ADH4: variants seen among roughly 807,000 people sequenced by gnomAD.
The protein encoded by ADH4 is alcohol dehydrogenase 4 (class II), pi polypeptide.
A neutral mutation model predicts 35.2 loss-of-function variants in ADH4; 31 were observed. That is an observed-to-expected ratio of 0.88 (90% CI 0.66 to 1.19). The LOEUF (loss-of-function observed/expected upper bound fraction) is 1.19. ADH4 is among the 50% of genes most tolerant of loss of function. The probability of loss-of-function intolerance (pLI) is 0.00; values close to 1 mark genes in which losing one functional copy is unlikely to be tolerated. For synonymous variants in ADH4, 171 were observed against 160.2 expected (o/e 1.07, Z -0.51); for missense variants, 476 against 458.3 (o/e 1.04, Z -0.35).
intron 5 of ADH4, among the ~76,000 whole-genome samples, chr4:99,136,258 C>G (rs939247430): frequency 2.0e-5 from 3 of 151,948 alleles, no homozygotes; most frequent in African/African-American, 7.3e-5. Context: ...GGCTACTGGG[C>G]CAGATGTTTT....
intron 4 of ADH4, among the ~76,000 whole-genome samples, chr4:99,138,027 G>A (rs1352386685): frequency 6.6e-6 from 1 of 151,942 alleles, no homozygotes; most frequent in South Asian, 2.1e-4. Flanking sequence ...CTGTAATCTG[G>A]TTGAACATAT....
chr4:99,129,982 T>A (rs1462188950), intron 6 of ADH4, among the ~76,000 whole-genome samples: 1 of 152,206 alleles, frequency 6.6e-6, no homozygotes, highest in South Asian at 2.1e-4. Context: ...GCAGTCACAC[T>A]ACCAGTTTTT....
At chr4:99,135,021 G>A (rs183971064) in intron 5 of ADH4, among the ~76,000 whole-genome samples, 9 of 152,144 alleles carry the variant, frequency 5.9e-5, no homozygotes, top group Admixed American at 5.2e-4. Context: ...TATGTGCCAG[G>A]GACAATTCCA....
chr4:99,132,523 A>G (rs1436760809), intron 5 of ADH4, among the ~76,000 whole-genome samples: 1 of 420 alleles, frequency 2.4e-3, no homozygotes, highest in African/African-American at 9.4e-3. Context: ...TTGTGGGTGT[A>G]TGGTGTGTTT....
At position 99,141,641 on chromosome 4, in the gene ADH4, G is replaced by A. The variant is rs1484413616; in HGVS notation, c.162C>T (p.Ile54=). The A allele has an allele frequency of 3.1e-6, 5 of 1,613,922 alleles. No homozygotes were observed. Among genetic ancestry groups the A allele is most frequent in the African/African-American group, 1.3e-5 (1 of 74,902 alleles). Residue 54 remains isoleucine (I), a synonymous_variant, in exon 3 of 9, where the codon ATC becomes ATT. Coordinates refer to ENST00000265512, the MANE Select transcript of ADH4 (RefSeq NM_000670.5). The stretch of plus-strand genomic sequence containing the variant: ...AAGCTAGGCCCTCAAATTTAGAATC[G>A]ATAACAGTGGCATCAGTATGGCACA... ...TSLCHTDATV[I]DSKFEGLAFP...
chr4:99,131,387 C>T (rs1370124662), intron 6 of ADH4, 117 bp downstream of exon 6: 2 of 1,154,732 alleles, frequency 1.7e-6, no homozygotes, highest in Non-Finnish European at 2.4e-6. Flanking sequence ...ATAGTTCTAC[C>T]ACCCTGTCAT....
chr4:99,126,652 G>A lies in ADH4; in HGVS notation c.1060C>T (p.His354Tyr), dbSNP rs1579391162. The A allele has an allele frequency of 2.5e-6, 4 of 1,611,998 alleles. No homozygotes were observed. Among genetic ancestry groups the A allele is most frequent in the Non-Finnish European group, 2.5e-6 (3 of 1,178,434 alleles). ...CTGATTTTGTCAAAAGGCAGGGTAT[G>A]GGTCACCAGTGCATCCAGATTGAAT... ...KKFNLDALVT[H>Y]TLPFDKISEA... Residue 354 changes from histidine to tyrosine, a missense_variant, in exon 8 of 9, where the codon CAT becomes TAT. Physicochemically the swap from His to Tyr is moderately conservative, Grantham distance 83. Transcript: ENST00000265512.
Position 99,136,699 on chromosome 4 carries a change from T to C in ADH4, c.351-2A>G. The C allele has an allele frequency of 6.3e-7, 1 of 1,578,640 alleles. No individual in the cohort carries two copies. Among genetic ancestry groups the C allele is most frequent in the South Asian group, 1.1e-5 (1 of 89,154 alleles). On this transcript the variant is annotated splice_acceptor_variant, in intron 4 of 8. Coordinates refer to ENST00000265512, the MANE Select transcript of ADH4 (RefSeq NM_000670.5). LOFTEE classifies it high-confidence loss of function. ...TCACTAGCAGGACTTTTGAGATTAC[T>C]AGAAAATTAAAAAAAAGAGTGATAC...
chr4:99,141,466 C>A, intron 3 of ADH4, 75 bp downstream of exon 3: 1 of 1,417,344 alleles, frequency 7.1e-7, no homozygotes, highest in South Asian at 1.6e-5. Context: ...TTATAGCATG[C>A]CAAGCCAGGA....
intron 6 of ADH4, among the ~76,000 whole-genome samples, chr4:99,131,261 C>T (rs1438479840): frequency 6.6e-6 from 1 of 152,098 alleles, no homozygotes; most frequent in Non-Finnish European, 1.5e-5. Context: ...GGTATGGCTT[C>T]TTATCACAAG....
intron 6 of ADH4, among the ~76,000 whole-genome samples, 185 bp from the exon 7 acceptor site, chr4:99,127,529 A>C (rs1729138066): frequency 6.6e-6 from 1 of 152,218 alleles, no homozygotes; most frequent in Non-Finnish European, 1.5e-5. Context: ...TCCATTACAA[A>C]TAGAATGTTC....
intron 4 of ADH4, 112 bp from the exon 5 acceptor site, chr4:99,136,809 A>G: frequency 1.4e-6 from 1 of 708,826 alleles, no homozygotes; most frequent in Non-Finnish European, 2.3e-6. Context: ...ATGACAATTT[A>G]CAAGACAGAA....
At position 99,131,643 on chromosome 4, in the gene ADH4, A is replaced by T. The variant is rs1387094680; in HGVS notation, c.704T>A (p.Phe235Tyr). Reference protein sequence around the residue: ...IIGIDINSEKFVKAKALGATD... With the variant: ...IIGIDINSEKYVKAKALGATD... ...GGCTCCCAGGGCTTTAGCCTTCACA[A>T]ACTTCTCACTGTTGATGTCAATACC... Residue 235 changes from phenylalanine (F) to tyrosine (Y), a missense_variant, in exon 6 of 9, where the codon TTT becomes TAT. By Grantham distance (22) the Phe-to-Tyr change is conservative (BLOSUM62 3). Coordinates refer to ENST00000265512, the MANE Select transcript of ADH4 (RefSeq NM_000670.5). 6.2e-7 allele frequency: 1 copy of T among 1,613,968 alleles called. No homozygotes were observed. The highest frequency in any genetic ancestry group is 8.5e-7 in the Non-Finnish European group (1 of 1,180,008).
In ADH4 at chr4:99,141,637, A is replaced by C. The variant is rs1729626839; in HGVS notation, c.166T>G (p.Ser56Ala). The C allele has an allele frequency of 6.2e-7, 1 of 1,614,142 alleles. No individual in the cohort carries two copies. The highest frequency in any genetic ancestry group is 2.2e-5 in the East Asian group (1 of 44,870). Residue 56 changes from serine (S) to alanine (A), a missense_variant, in exon 3 of 9, where the codon TCT becomes GCT. Transcript: ENST00000265512. Reference protein sequence around the residue: ...LCHTDATVIDSKFEGLAFPVI... With the variant: ...LCHTDATVIDAKFEGLAFPVI... ...GGGAAAGCTAGGCCCTCAAATTTAG[A>C]ATCGATAACAGTGGCATCAGTATGG... is the stretch of plus-strand genomic sequence containing the variant.
chr4:99,142,759 T>C lies in ADH4; in HGVS notation c.40A>G (p.Ile14Val). The C allele has an allele frequency of 1.2e-6, 2 of 1,603,082 alleles. No homozygotes were observed. The highest frequency in any genetic ancestry group is 1.3e-5 in the African/African-American group (1 of 74,442). ...KGKVIKCKAAIAWEAGKPLCI... is the reference protein window; with the variant it reads ...KGKVIKCKAAVAWEAGKPLCI... ...AGGGGCTTGCCTGCTTCCCAGGCGA[T>C]GGCTGCTTTGCATTTAATAACCTGA... Residue 14 changes from isoleucine (I) to valine (V), a missense_variant, in exon 2 of 9, where the codon ATC becomes GTC. Coordinates refer to ENST00000265512, the MANE Select transcript of ADH4 (RefSeq NM_000670.5).
At chr4:99,142,937 T>C (rs1216770851) in intron 1 of ADH4, 157 bp from the exon 2 acceptor site, 1 of 613,784 alleles carries the variant, frequency 1.6e-6, no homozygotes, top group Non-Finnish European at 2.9e-6. Context: ...CTTATAGATA[T>C]TATTTTAAAG....
chr4:99,126,630 A>G lies in ADH4; in HGVS notation c.1082T>C (p.Ile361Thr). 1 of 1,609,006 alleles carries G rather than the reference A, an allele frequency of 6.2e-7. No homozygotes were observed. Among genetic ancestry groups the G allele is most frequent in the Non-Finnish European group, 8.5e-7 (1 of 1,176,408 alleles). Residue 361 changes from isoleucine (I) to threonine (T), a missense_variant, in exon 8 of 9, where the codon ATC becomes ACC. Transcript: ENST00000265512. ...GTTCATTAGGTCAAATGCCTCACTGATTTTGTCAAAAGGCAGGGTATGGGT... is the reference window on the plus strand; with the variant it reads ...GTTCATTAGGTCAAATGCCTCACTGGTTTTGTCAAAAGGCAGGGTATGGGT... ...LVTHTLPFDK[I>T]SEAFDLMNQG...
intron 6 of ADH4, among the ~76,000 whole-genome samples, chr4:99,128,506 A>G (rs1179002408): frequency 6.6e-6 from 1 of 152,238 alleles, no homozygotes; most frequent in African/African-American, 2.4e-5. Flanking sequence ...ATCAAAAGTT[A>G]TCTAGATAAC....
intron 5 of ADH4, among the ~76,000 whole-genome samples, chr4:99,135,588 A>G (rs1432338578): frequency 6.6e-6 from 1 of 152,182 alleles, no homozygotes. Flanking sequence ...TGGAAAGCCC[A>G]GAGACCACAG....
Sources: gnomAD v4.1 joint callset for allele counts (sites outside exome capture counted in the v4.1 genomes callset) on GRCh38, gnomAD v4.1.1 for gene constraint, MANE v1.5 for transcripts, NCBI Gene and HGNC (gene_info 2026-07-23, HGNC 2026-07-21) for gene names.